The following VPS35 variants were observed in gnomAD, a reference collection of about 807,000 sequenced individuals.
The protein encoded by VPS35 is VPS35 retromer complex component.
VPS35 carries 21 observed loss-of-function variants against 98.1 expected under a neutral mutation model. The observed-to-expected ratio is 0.21, with a 90% CI of 0.15 to 0.31. VPS35 has a LOEUF of 0.31. Ranked by LOEUF, VPS35 falls within the 10% of genes least tolerant of loss-of-function variation. The pLI is 1.00. For synonymous variants in VPS35, 268 were observed against 318.2 expected (o/e 0.84, Z 1.68); for missense variants, 554 against 950.8 (o/e 0.58, Z 5.49).
chr16:46,677,410 A>C lies in VPS35; in HGVS notation c.721-12T>G, dbSNP rs755550005. On this transcript the variant is annotated splice_polypyrimidine_tract_variant and intron_variant, in intron 6 of 16. Coordinates refer to ENST00000299138, the MANE Select transcript of VPS35 (RefSeq NM_018206.6). The stretch of plus-strand genomic sequence containing the variant: ...CCAGTCAAAACAATCTAAAAGAGAA[A>C]AAACACACATAAGGGTTAAAATCTG... 1.9e-6 allele frequency: 3 copies of C among 1,608,574 alleles called. No homozygotes were observed. The highest frequency in any genetic ancestry group is 2.2e-5 in the South Asian group (2 of 90,960).
At chr16:46,678,675 G>C (rs1442499007) in intron 6 of VPS35, among the ~76,000 whole-genome samples, 1 of 152,146 alleles carries the variant, frequency 6.6e-6, no homozygotes, top group Non-Finnish European at 1.5e-5. Flanking sequence ...TTTAGAATCA[G>C]CTTCTTAATT....
intron 15 of VPS35, 44 bp downstream of exon 15, chr16:46,662,199 G>C: frequency 1.9e-6 from 3 of 1,613,680 alleles, no homozygotes; most frequent in Non-Finnish European, 2.5e-6. Flanking sequence ...ACTGATCCCT[G>C]TTATGGATCC....
chr16:46,661,664 A>AT lies in VPS35; in HGVS notation c.2211+53_2211+54insA. ...ACTTTTGTACATATCAAATCTCCTA[A>AT]GAGTAGGAAGGGAAAATATTAGTTT... On this transcript the variant is annotated intron_variant, in intron 16 of 16. Transcript: ENST00000299138. The surrounding 1 kb of genome is among the most constrained non-coding windows in gnomAD (Gnocchi z 4.3). 2 of 1,494,388 alleles carry AT rather than the reference A, an allele frequency of 1.3e-6. No homozygotes were observed. Among genetic ancestry groups the AT allele is most frequent in the South Asian group, 2.3e-5 (2 of 87,532 alleles). The allele number at this position is 1,494,388 out of a possible 1,614,324, so 92.6% of individuals were successfully genotyped here. A position where few individuals can be genotyped will look rare whatever the true frequency, so the allele number is the denominator to read the frequency against.
At chr16:46,677,091 G>A (rs925664176) in intron 7 of VPS35, among the ~76,000 whole-genome samples, 2 of 151,490 alleles carry the variant, frequency 1.3e-5, no homozygotes, top group South Asian at 2.1e-4. Flanking sequence ...AAACGGCATC[G>A]TGCTATGTTG....
At chr16:46,664,681 C>G (rs578064762) in intron 13 of VPS35, among the ~76,000 whole-genome samples, 1 of 152,004 alleles carries the variant, frequency 6.6e-6, no homozygotes, top group Non-Finnish European at 1.5e-5. Context: ...GCCACCACAC[C>G]CAGCTAATTT....
chr16:46,671,618 C>T, intron 12 of VPS35, 87 bp downstream of exon 12: 2 of 1,561,726 alleles, frequency 1.3e-6, no homozygotes, highest in Non-Finnish European at 1.8e-6. Flanking sequence ...CATCTAAGAC[C>T]AGAAAGTGAA....
chr16:46,674,399 T>C lies in VPS35; in HGVS notation c.1075A>G (p.Met359Val), dbSNP rs781234198. ...TCCACACGATCAGGGTAACATTTCATGGCAAGATTAATCAGAGAGACTTGT... is the reference window on the plus strand; with the variant it reads ...TCCACACGATCAGGGTAACATTTCACGGCAAGATTAATCAGAGAGACTTGT... ...SLQVSLINLA[M>V]KCYPDRVDYV... is the part of the protein sequence containing the mutation. The change falls in exon 10 of 17, where the codon ATG becomes GTG. Residue 359 changes from methionine to valine, a missense_variant. By Grantham distance (21) the Met-to-Val change is conservative. Coordinates refer to ENST00000299138, the MANE Select transcript of VPS35 (RefSeq NM_018206.6). The C allele has an allele frequency of 2.5e-6, 4 of 1,613,860 alleles. No individual in the cohort carries two copies. Among genetic ancestry groups the C allele is most frequent in the East Asian group, 2.2e-5 (1 of 44,872 alleles).
chr16:46,672,782 T>C (rs148204971), intron 10 of VPS35, among the ~76,000 whole-genome samples: 5 of 152,346 alleles, frequency 3.3e-5, no homozygotes, highest in African/African-American at 1.2e-4. Flanking sequence ...CTAAGGGAAG[T>C]ATTTTAAGTG....
At position 46,669,212 on chromosome 16, in the gene VPS35, G is replaced by A. The variant is rs964991330; in HGVS notation, c.1525-160C>T. 12 of 909,136 alleles carry A rather than the reference G, an allele frequency of 1.3e-5. No individual in the cohort carries two copies. The African/African-American group carries it at 2.0e-4, about 15-fold the overall frequency. The allele number at this position is 909,136 out of a possible 1,614,324, so 56.3% of individuals were successfully genotyped here. The stretch of plus-strand genomic sequence containing the variant: ...TACATATTTCTTATCTCCTCAAGTT[G>A]TCACAACAACCCAGAGACAGATACT... On this transcript the variant is annotated intron_variant, in intron 12 of 16. Coordinates refer to ENST00000299138, the MANE Select transcript of VPS35 (RefSeq NM_018206.6).
intron 13 of VPS35, 58 bp from the exon 14 acceptor site, chr16:46,663,220 A>T: frequency 6.6e-7 from 1 of 1,505,690 alleles, no homozygotes; most frequent in Non-Finnish European, 9.1e-7. Context: ...TTGTTCCAGG[A>T]TATCCATTTT....
chr16:46,663,003 C>T lies in VPS35; in HGVS notation c.1807G>A (p.Ala603Thr), dbSNP rs868056476. 3.7e-6 allele frequency: 6 copies of T among 1,614,182 alleles called. No homozygotes were observed. The highest frequency in any genetic ancestry group is 4.2e-6 in the Non-Finnish European group (5 of 1,180,034). ...EIGFENHETV[A>T]YEFMSQAFSL... is the part of the protein sequence containing the mutation. ...ATCACCTGGGACATGAATTCATATG[C>T]GACTGTCTCATGATTTTCAAAACCA... The change falls in exon 14 of 17, where the codon GCA becomes ACA. Residue 603 changes from alanine to threonine, a missense_variant. This residue lies in a region of VPS35 where 254 missense variants were observed against 390.1 expected (regional missense o/e 0.65). Coordinates refer to ENST00000299138, the MANE Select transcript of VPS35 (RefSeq NM_018206.6).
intron 3 of VPS35, 87 bp from the exon 4 acceptor site, chr16:46,681,587 G>A: frequency 2.0e-6 from 3 of 1,464,212 alleles, no homozygotes; most frequent in Non-Finnish European, 2.8e-6. Context: ...CTAACTACTG[G>A]GCAGACATCT....
At chr16:46,687,685 C>T (rs1966339963) in intron 1 of VPS35, among the ~76,000 whole-genome samples, 1 of 152,170 alleles carries the variant, frequency 6.6e-6, no homozygotes, top group South Asian at 2.1e-4. Context: ...ACACTGAAGG[C>T]ACACAAGATG....
chr16:46,688,858 A>AC (rs1404847420), intron 1 of VPS35: 28 of 1,417,378 alleles, frequency 2.0e-5, no homozygotes, highest in Non-Finnish European at 2.6e-5. Flanking sequence ...GCCTTCATGG[A>AC]CCCCAAAGCC....
chr16:46,671,725 C>T lies in VPS35; in HGVS notation c.1504G>A (p.Asp502Asn). 1 of 1,614,110 alleles carries T rather than the reference C, an allele frequency of 6.2e-7. No individual in the cohort carries two copies. The highest frequency in any genetic ancestry group is 8.5e-7 in the Non-Finnish European group (1 of 1,179,998). Reference sequence around the variant, plus strand: ...CATACCAAGTACTGCTGGTCAGGGTCCTCAGAGCGCAGCAGATGAATGAAG... The same window carrying T: ...CATACCAAGTACTGCTGGTCAGGGTTCTCAGAGCGCAGCAGATGAATGAAG... ...GRFIHLLRSE[D>N]PDQQYLILNT... The change falls in exon 12 of 17, where the codon GAC becomes AAC. Residue 502 changes from aspartate (D) to asparagine (N), a missense_variant. Transcript: ENST00000299138.
In VPS35 at chr16:46,656,439, G is replaced by A. The variant is rs560104347; in HGVS notation, c.*4033C>T. On this transcript the variant is annotated 3_prime_UTR_variant, in exon 17 of 17. Transcript: ENST00000299138. ...TTGTAACTGAGGAAATTATGACAGT[G>A]AAAGAGATCAGACCCAAATGACTCC... 35 of 152,314 alleles carry A rather than the reference G, an allele frequency of 2.3e-4. No homozygotes were observed. Among genetic ancestry groups the A allele is most frequent in the Middle Eastern group, 3.4e-3 (1 of 294 alleles). The allele number at this position is 152,314 out of a possible 1,614,324, so 9.4% of individuals were successfully genotyped here.
intron 6 of VPS35, among the ~76,000 whole-genome samples, chr16:46,678,442 G>A (rs1362786116): frequency 1.3e-5 from 2 of 152,042 alleles, no homozygotes; most frequent in Non-Finnish European, 2.9e-5. Flanking sequence ...GTCTTACAAA[G>A]CCAAAAACCA....
chr16:46,674,020 A>G (rs889815191), intron 10 of VPS35: 10 of 373,296 alleles, frequency 2.7e-5, no homozygotes, highest in African/African-American at 1.0e-4. Context: ...TGCTTCTTCC[A>G]GTGCAGCCCA....
At chr16:46,678,900 G>T in intron 6 of VPS35, 43 bp downstream of exon 6, 1 of 1,585,920 alleles carries the variant, frequency 6.3e-7, no homozygotes, top group Non-Finnish European at 8.6e-7. Context: ...TCAGATTTCA[G>T]TTTATCTCTG....
Sources: allele counts gnomAD v4.1 joint callset (sites outside exome capture counted in the v4.1 genomes callset), GRCh38; gene constraint gnomAD v4.1.1; regional missense constraint gnomAD v4.1.1; non-coding constraint Gnocchi (gnomAD v3.1); transcripts MANE v1.5; gene names NCBI Gene and HGNC (gene_info 2026-07-23, HGNC 2026-07-21).